Variants in SDK1 observed in about 807,000 individuals in gnomAD.
SDK1 encodes protein sidekick-1.
In SDK1, 157 loss-of-function variants were observed where a neutral mutation model predicts 245.5. That is an observed-to-expected ratio of 0.64 (90% CI 0.56 to 0.73). The LOEUF is 0.73. Among genes scored for constraint, SDK1 ranks in the 30% least tolerant of loss-of-function variants. SDK1 has a pLI of 0.00. For synonymous variants in SDK1, 1,647 were observed against 1,278.5 expected (o/e 1.29, Z -6.15); for missense variants, 3,583 against 3,002.3 (o/e 1.19, Z -4.52).
intron 1 of SDK1, among the ~76,000 whole-genome samples, chr7:3,381,404 G>A (rs1221510132): frequency 4.6e-5 from 7 of 152,218 alleles, no homozygotes; most frequent in African/African-American, 1.4e-4. Context: ...ACTGGTGACT[G>A]TGGGCTGCAT....
At chr7:4,193,471 G>A (rs552769071) in intron 35 of SDK1, among the ~76,000 whole-genome samples, 1 of 149,316 alleles carries the variant, frequency 6.7e-6, no homozygotes, top group Admixed American at 6.8e-5. Flanking sequence ...GCCACTACTG[G>A]GGATGAGGAA....
chr7:4,180,391 ATGCCCAGCGCCTGGCTC>A (rs1782531523), intron 35 of SDK1, among the ~76,000 whole-genome samples: 2 of 148,920 alleles, frequency 1.3e-5, no homozygotes, highest in African/African-American at 2.5e-5. Context: ...CTCCAGCTCT[ATGCCCAGCGCCTGGCTC>A]CAGCTCTATG....
intron 17 of SDK1, among the ~76,000 whole-genome samples, chr7:4,019,142 G>A (rs1786664760): frequency 2.0e-5 from 3 of 152,160 alleles, no homozygotes; most frequent in Admixed American, 1.3e-4. Flanking sequence ...GTGGGACTGG[G>A]TATAAAAACA....
rs534511053 is a variant in SDK1, at chr7:4,084,541, C to A, written c.3324+4957C>A. 5.3e-5 allele frequency among the ~76,000 whole-genome samples: 8 copies of A among 152,296 alleles called. No homozygotes were observed. In the East Asian group the frequency reaches 1.5e-3, roughly 29 times the overall value. ...CGATAACCTGAGCACCAAGGTGGAT[C>A]TCCTCGCTCCCAGCTGGTCCCTGCT... is the stretch of plus-strand genomic sequence containing the variant. On this transcript the variant is annotated intron_variant, in intron 22 of 44. Coordinates refer to ENST00000404826, the MANE Select transcript of SDK1 (RefSeq NM_152744.4).
chr7:3,403,026 C>T (rs1778932499), intron 1 of SDK1, among the ~76,000 whole-genome samples: 1 of 152,054 alleles, frequency 6.6e-6, no homozygotes, highest in Non-Finnish European at 1.5e-5. Context: ...CCTCTGCCTC[C>T]CGGGTTCAAG....
intron 4 of SDK1, among the ~76,000 whole-genome samples, chr7:3,715,468 G>C (rs929642162): frequency 6.6e-6 from 1 of 152,116 alleles, no homozygotes; most frequent in Non-Finnish European, 1.5e-5. Context: ...TACCGAACCA[G>C]ACACCCCTCA....
chr7:3,505,395 G>C (rs1782361844), intron 1 of SDK1, among the ~76,000 whole-genome samples: 2 of 152,020 alleles, frequency 1.3e-5, no homozygotes, highest in African/African-American at 4.8e-5. Context: ...AGGACTACAG[G>C]TGCATGCCAC....
At chr7:3,517,231 C>T (rs750525414) in intron 1 of SDK1, among the ~76,000 whole-genome samples, 4 of 152,226 alleles carry the variant, frequency 2.6e-5, no homozygotes, top group South Asian at 4.1e-4. Flanking sequence ...CAGTAATTCA[C>T]GCATGTTCAT....
intron 1 of SDK1, among the ~76,000 whole-genome samples, chr7:3,360,811 G>A (rs1780930934): frequency 6.6e-6 from 1 of 152,126 alleles, no homozygotes; most frequent in African/African-American, 2.4e-5. Context: ...ACTCTGTTAT[G>A]TAATTGTGAG....
At chr7:3,964,852 G>A (rs746578298) in intron 9 of SDK1, among the ~76,000 whole-genome samples, 2 of 152,136 alleles carry the variant, frequency 1.3e-5, no homozygotes, top group Admixed American at 6.5e-5. Context: ...CATGTGTTTC[G>A]GTGAACTAGG....
intron 18 of SDK1, among the ~76,000 whole-genome samples, chr7:4,050,757 A>AG (rs1789389507): frequency 6.6e-6 from 1 of 151,738 alleles, no homozygotes; most frequent in African/African-American, 2.4e-5. Flanking sequence ...GAGACAGAGT[A>AG]GGTGCTTTCT....
chr7:4,082,310 C>T (rs561763560), intron 22 of SDK1, among the ~76,000 whole-genome samples: 9 of 152,142 alleles, frequency 5.9e-5, no homozygotes, highest in South Asian at 4.2e-4. Context: ...CCAAGGCAGG[C>T]GGATCACTTG....
intron 41 of SDK1, among the ~76,000 whole-genome samples, chr7:4,235,299 G>T (rs887253836): frequency 7.2e-5 from 11 of 152,272 alleles, no homozygotes; most frequent in Non-Finnish European, 1.5e-4. Flanking sequence ...AAGCAGCTGA[G>T]ATTACAAGCA....
At chr7:3,919,175 A>G (rs1188220036) in intron 5 of SDK1, among the ~76,000 whole-genome samples, 3 of 152,290 alleles carry the variant, frequency 2.0e-5, no homozygotes, top group Admixed American at 1.3e-4. Context: ...TGATGTTACA[A>G]ACTGAACAAC....
intron 4 of SDK1, among the ~76,000 whole-genome samples, chr7:3,665,723 C>T (rs882553): frequency 0.57 from 86,737 of 152,000 alleles, 25,036 homozygotes; most frequent in East Asian, 0.73. Context: ...CTTTCTCTCA[C>T]GTGGATCCTG....
In SDK1 at chr7:4,245,686, C is replaced by A. The variant is rs61733474; in HGVS notation, c.6262C>A (p.Arg2088=). Residue 2088 remains arginine, a synonymous_variant, in exon 44 of 45, where the codon CGG becomes AGG. Coordinates refer to ENST00000404826, the MANE Select transcript of SDK1 (RefSeq NM_152744.4). ...SKKNGTRSPP[R]PSPGGLHYSD... is the part of the protein sequence containing the mutation. ...GGGTCCTCATCCTAGGTCCCCACCCCGGCCTAGCCCCGGCGGCCTGCACTA... is the reference window on the plus strand; with the variant it reads ...GGGTCCTCATCCTAGGTCCCCACCCAGGCCTAGCCCCGGCGGCCTGCACTA... 7 of 1,613,998 alleles carry A rather than the reference C, an allele frequency of 4.3e-6. No individual in the cohort carries two copies. The highest frequency in any genetic ancestry group is 5.9e-6 in the Non-Finnish European group (7 of 1,179,944).
Position 4,076,878 on chromosome 7 carries a change from C to T in SDK1, c.3011-120C>T, listed in dbSNP as rs547950509. 98 of 823,484 alleles carry T rather than the reference C, an allele frequency of 1.2e-4. No individual in the cohort carries two copies. The African/African-American group carries it at 1.5e-3, about 13-fold the overall frequency. 51.0% of individuals were successfully genotyped at this position (823,484 alleles called of 1,614,324 possible). A position where few individuals can be genotyped will look rare whatever the true frequency, so the allele number is the denominator to read the frequency against. ...TCAGTAGCACAGTGGCTCTAAGCTG[C>T]CTTCAGCACATCCAGCCAAGCTCTC... is the stretch of plus-strand genomic sequence containing the variant. On this transcript the variant is annotated intron_variant, in intron 20 of 44. Transcript: ENST00000404826.
rs779117987 is a variant in SDK1 at position 4,130,051 on chromosome 7, C to T, written c.4083C>T (p.Asn1361=). 26 of 1,612,412 alleles carry T rather than the reference C, an allele frequency of 1.6e-5. No individual in the cohort carries two copies. The East Asian group carries it at 2.0e-4, about 12-fold the overall frequency. ...LQVLAFTRIG[N]GVPSTPLILE... is the part of the protein sequence containing the mutation. ...TGCTGGCGTTCACCCGCATCGGGAA[C>T]GGGGTCCCCAGCACGCCCCTCATCC... The change falls in exon 27 of 45, where the codon AAC becomes AAT. Residue 1361 remains asparagine, a synonymous_variant. Coordinates refer to ENST00000404826, the MANE Select transcript of SDK1 (RefSeq NM_152744.4).
chr7:4,213,395 G>A (rs1437946413), intron 38 of SDK1, among the ~76,000 whole-genome samples: 5 of 150,342 alleles, frequency 3.3e-5, no homozygotes, highest in South Asian at 4.2e-4. Flanking sequence ...TTGGGCGACA[G>A]AGCAAGACTC....
Sources: allele counts gnomAD v4.1 joint callset (sites outside exome capture counted in the v4.1 genomes callset), GRCh38; gene constraint gnomAD v4.1.1; transcripts MANE v1.5; gene names NCBI Gene and HGNC (gene_info 2026-07-23, HGNC 2026-07-21).